The following DYNC1H1 variants were observed in gnomAD, a reference collection of about 807,000 sequenced individuals.
DYNC1H1 encodes the protein dynein cytoplasmic 1 heavy chain 1.
A neutral mutation model predicts 527.1 loss-of-function variants in DYNC1H1; 51 were observed. That is an observed-to-expected ratio of 0.10 (90% CI 0.08 to 0.12). DYNC1H1 has a LOEUF of 0.12. DYNC1H1 is among the 10% of genes least tolerant of loss of function. DYNC1H1 has a pLI of 1.00. For synonymous variants in DYNC1H1, 2,189 were observed against 2,278.8 expected (o/e 0.96, Z 1.12); for missense variants, 2,771 against 5,971.8 (o/e 0.46, Z 17.66).
At chr14:101,981,380 C>T (rs1388039496) in intron 5 of DYNC1H1, among the ~76,000 whole-genome samples, 2 of 152,204 alleles carry the variant, frequency 1.3e-5, no homozygotes, top group Admixed American at 6.5e-5. Flanking sequence ...GCCTTGGCCT[C>T]CCAAAGTGCT....
intron 43 of DYNC1H1, among the ~76,000 whole-genome samples, chr14:102,025,173 G>C (rs189211267): frequency 6.6e-6 from 1 of 151,876 alleles, no homozygotes; most frequent in East Asian, 2.0e-4. Flanking sequence ...CCGTCTCGCC[G>C]AGGCAGGTGG....
intron 7 of DYNC1H1, among the ~76,000 whole-genome samples, chr14:101,984,074 C>T (rs1265808642): frequency 6.6e-6 from 1 of 152,110 alleles, no homozygotes; most frequent in Non-Finnish European, 1.5e-5. Flanking sequence ...CTCAAGCAGT[C>T]CTCCTACCTC....
At chr14:101,998,883 T>C (rs1314306059) in intron 16 of DYNC1H1, among the ~76,000 whole-genome samples, 4 of 141,706 alleles carry the variant, frequency 2.8e-5, no homozygotes. Flanking sequence ...CTTTTTCTTT[T>C]TTTTTTTTTT....
In DYNC1H1 at chr14:102,047,639, G is replaced by GTATATATATATATATATA. The variant is rs1287359925; in HGVS notation, c.13007-177_13007-176insATATATATATATATATAT. 36 of 352,004 alleles carry GTATATATATATATATATA rather than the reference G, an allele frequency of 1.0e-4. No homozygotes were observed. The African/African-American group carries it at 1.4e-3, about 14-fold the overall frequency. 21.8% of individuals were successfully genotyped at this position (352,004 alleles called of 1,614,324 possible). Reference sequence around the variant, plus strand: ...TATACACGTGTGTGTGTGTGTGTGTGTGTATATATATATATATATATATAT... The same window carrying GTATATATATATATATATA: ...TATACACGTGTGTGTGTGTGTGTGTGTATATATATATATATATATGTATATATATATATATATATATAT... On this transcript the variant is annotated intron_variant, in intron 72 of 77. Transcript: ENST00000360184.
chr14:101,985,654 A>G lies in DYNC1H1; in HGVS notation c.1462-33A>G. 6.2e-7 allele frequency: 1 copy of G among 1,612,410 alleles called. No individual in the cohort carries two copies. Reference sequence around the variant, plus strand: ...TAAATTTTAAAGCCTTCGTTTGGTCAGCATTTCTTGATTACATATCTTTCT... The same window carrying G: ...TAAATTTTAAAGCCTTCGTTTGGTCGGCATTTCTTGATTACATATCTTTCT... On this transcript the variant is annotated intron_variant, in intron 7 of 77. Transcript: ENST00000360184. The surrounding 1 kb of genome is among the most constrained non-coding windows in gnomAD (Gnocchi z 5.9).
rs748800196 is a variant in DYNC1H1 at position 102,001,777 on chromosome 14, T to C, written c.4542+96T>C. ...TGACAGTTACTAGGTACCTGTTTTTTATTGTATTTTTTGAGACAGGGTCTC... is the reference window on the plus strand; with the variant it reads ...TGACAGTTACTAGGTACCTGTTTTTCATTGTATTTTTTGAGACAGGGTCTC... On this transcript the variant is annotated intron_variant, in intron 21 of 77. Transcript: ENST00000360184. The surrounding 1 kb of genome is among the most constrained non-coding windows in gnomAD (Gnocchi z 5.0). 209 of 1,552,742 alleles carry C rather than the reference T, an allele frequency of 1.3e-4. No individual in the cohort carries two copies. The highest frequency in any genetic ancestry group is 1.6e-4 in the Non-Finnish European group (185 of 1,134,206).
Position 101,979,578 on chromosome 14 carries a change from G to A in DYNC1H1, c.518+86G>A. 1 of 1,607,218 alleles carries A rather than the reference G, an allele frequency of 6.2e-7. No homozygotes were observed. The highest frequency in any genetic ancestry group is 1.7e-5 in the Admixed American group (1 of 59,982). ...GGTGTAAAACTTGGGAATTGGGAGG[G>A]TAACGCTAGTGAGCCGAGGGGATAT... On this transcript the variant is annotated intron_variant, in intron 3 of 77. Transcript: ENST00000360184. This position sits in a 1 kb window ranked among gnomAD's most constrained non-coding sequence, Gnocchi z 4.6.
chr14:101,987,651 T>C lies in DYNC1H1; in HGVS notation c.2718+19T>C. 6.2e-7 allele frequency: 1 copy of C among 1,614,110 alleles called. No homozygotes were observed. Among genetic ancestry groups the C allele is most frequent in the Middle Eastern group, 1.6e-4 (1 of 6,062 alleles). ...CATGGAGGTAAGGGATAGAATTTGC[T>C]AGCATTTTCCTCCTTTTTCTTCTGC... On this transcript the variant is annotated intron_variant, in intron 9 of 77. Transcript: ENST00000360184.
chr14:101,997,425 A>C lies in DYNC1H1; in HGVS notation c.3804+151A>C, dbSNP rs1456076978. On this transcript the variant is annotated intron_variant, in intron 16 of 77. Coordinates refer to ENST00000360184, the MANE Select transcript of DYNC1H1 (RefSeq NM_001376.5). This position sits in a 1 kb window ranked among gnomAD's most constrained non-coding sequence, Gnocchi z 4.8. ...TGTAGTTAAAAAAGCAGATGGAGAT[A>C]GCAAATGTGAAAATATGAAGCCCAG... The C allele has an allele frequency of 7.1e-7, 1 of 1,401,266 alleles. No individual in the cohort carries two copies. The highest frequency in any genetic ancestry group is 9.7e-7 in the Non-Finnish European group (1 of 1,030,812). The allele number at this position is 1,401,266 out of a possible 1,614,324, so 86.8% of individuals were successfully genotyped here. A position where few individuals can be genotyped will look rare whatever the true frequency, so the allele number is the denominator to read the frequency against.
chr14:102,037,155 G>A (rs923965497), intron 57 of DYNC1H1: 1 of 179,390 alleles, frequency 5.6e-6, no homozygotes. Context: ...GCCAGGCGTG[G>A]TGGCTTATGC....
At chr14:101,995,570 C>T (rs1050233463) in intron 15 of DYNC1H1, among the ~76,000 whole-genome samples, 1 of 149,802 alleles carries the variant, frequency 6.7e-6, no homozygotes, top group African/African-American at 2.5e-5. Flanking sequence ...GAAATTGTGC[C>T]ACTGCATTCC....
Position 102,020,650 on chromosome 14 carries a change from A to C in DYNC1H1, c.8507+594A>C, listed in dbSNP as rs1363195677. On this transcript the variant is annotated intron_variant, in intron 42 of 77. Transcript: ENST00000360184. This position sits in a 1 kb window ranked among gnomAD's most constrained non-coding sequence, Gnocchi z 4.3. ...TTGTAAGTTTTGAGTTTTTCTAGTT[A>C]AGTGACCAATACTTAAGGGAAAAAA... Among the ~76,000 whole-genome samples the C allele has an allele frequency of 6.6e-6, 1 of 152,212 alleles. No homozygotes were observed. The highest frequency in any genetic ancestry group is 1.5e-5 in the Non-Finnish European group (1 of 68,040).
chr14:101,971,308 G>A (rs930640665), intron 1 of DYNC1H1, among the ~76,000 whole-genome samples: 4 of 151,664 alleles, frequency 2.6e-5, no homozygotes, highest in African/African-American at 4.8e-5. Context: ...TCCTGAGCTC[G>A]AGTGATCCAC....
In DYNC1H1 at chr14:102,019,162, G is replaced by T. The variant is rs187841495; in HGVS notation, c.8343+546G>T. On this transcript the variant is annotated intron_variant, in intron 41 of 77. Coordinates refer to ENST00000360184, the MANE Select transcript of DYNC1H1 (RefSeq NM_001376.5). ...CATACAGTTTCTAAATGTATATAAAGGCTGCATATCTGCCAGATTGCTCTC... is the reference window on the plus strand; with the variant it reads ...CATACAGTTTCTAAATGTATATAAATGCTGCATATCTGCCAGATTGCTCTC... Among the ~76,000 whole-genome samples, 1,459 of 152,256 alleles carry T rather than the reference G, an allele frequency of 9.6e-3. 17 individuals are homozygous for T. The highest frequency in any genetic ancestry group is 0.013 in the Non-Finnish European group (890 of 68,030).
intron 29 of DYNC1H1, 165 bp from the exon 30 acceptor site, chr14:102,009,678 G>T: frequency 9.6e-7 from 1 of 1,045,580 alleles, no homozygotes; most frequent in South Asian, 1.5e-5. Context: ...GGAGAATGTG[G>T]CTGGTGGTCC....
intron 41 of DYNC1H1, among the ~76,000 whole-genome samples, chr14:102,019,345 G>A (rs974019059): frequency 7.2e-5 from 11 of 152,220 alleles, no homozygotes; most frequent in African/African-American, 1.4e-4. Context: ...CCATGGAGCC[G>A]CTGGCTGCGG....
rs1057031512 is a variant in DYNC1H1 at position 101,979,473 on chromosome 14, G to A, written c.499G>A (p.Glu167Lys). 1 of 1,614,072 alleles carries A rather than the reference G, an allele frequency of 6.2e-7. No individual in the cohort carries two copies. Among genetic ancestry groups the A allele is most frequent in the Non-Finnish European group, 8.5e-7 (1 of 1,180,036 alleles). Residue 167 changes from glutamate (E) to lysine (K), a missense_variant, in exon 3 of 78, where the codon GAG (glutamate) becomes AAG (lysine). This residue lies in a region of DYNC1H1 where 146 missense variants were observed against 288.1 expected (regional missense o/e 0.51). Coordinates refer to ENST00000360184, the MANE Select transcript of DYNC1H1 (RefSeq NM_001376.5). This position sits in a 1 kb window ranked among gnomAD's most constrained non-coding sequence, Gnocchi z 4.6. ...VAPFFKSYIR[E>K]SGKADRDGDK... ...TCCTTTTTTTAAGTCCTACATTAGA[G>A]AGTCTGGCAAGGCAGACAGGTAAAA... is the stretch of plus-strand genomic sequence containing the variant.
rs761288905 is a variant in DYNC1H1, at chr14:102,042,148, T to C, written c.12214+24T>C. ...CGGTAAGGATGCTTGAGGGGCTTCA[T>C]GGGCTGGAGCCCTGCAGGATTTGTG... On this transcript the variant is annotated intron_variant, in intron 66 of 77. Coordinates refer to ENST00000360184, the MANE Select transcript of DYNC1H1 (RefSeq NM_001376.5). The surrounding 1 kb of genome is among the most constrained non-coding windows in gnomAD (Gnocchi z 5.7). 11 of 1,613,722 alleles carry C rather than the reference T, an allele frequency of 6.8e-6. No homozygotes were observed. Among genetic ancestry groups the C allele is most frequent in the Non-Finnish European group, 4.2e-6 (5 of 1,179,836 alleles).
intron 15 of DYNC1H1, among the ~76,000 whole-genome samples, chr14:101,996,458 G>T (rs2048063501): frequency 6.6e-6 from 1 of 152,072 alleles, no homozygotes; most frequent in African/African-American, 2.4e-5. Context: ...TTGGAATAAA[G>T]GGTGAAGCCC....
Sources: gnomAD v4.1 joint callset for allele counts (sites outside exome capture counted in the v4.1 genomes callset) on GRCh38, gnomAD v4.1.1 for gene constraint, gnomAD v4.1.1 regional missense constraint, Gnocchi (gnomAD v3.1) non-coding constraint, MANE v1.5 for transcripts, NCBI Gene and HGNC (gene_info 2026-07-23, HGNC 2026-07-21) for gene names.